UST: variants seen among roughly 807,000 people sequenced by gnomAD.
The protein encoded by UST is chondroitin sulfate 2-O-sulfotransferase.
UST carries 21 observed loss-of-function variants against 45.6 expected under a neutral mutation model. The observed-to-expected ratio is 0.46, with a 90% CI of 0.33 to 0.66. The LOEUF (loss-of-function observed/expected upper bound fraction) is 0.66. Ranked by LOEUF, UST falls within the 30% of genes least tolerant of loss-of-function variation. The pLI is 0.02. For missense variants in UST, 463 were observed against 512.4 expected, an observed-to-expected ratio of 0.90 and a Z score of 0.93; for synonymous variants, 215 against 200.6, an observed-to-expected ratio of 1.07 and a Z score of -0.61.
At chr6:148,940,058 T>C (rs1780094107) in intron 2 of UST, among the ~76,000 whole-genome samples, 1 of 152,170 alleles carries the variant, frequency 6.6e-6, no homozygotes, top group Admixed American at 6.5e-5. Flanking sequence ...TAGACATTTC[T>C]CCAAAGAAAA....
chr6:148,748,265 A>G lies in UST; in HGVS notation c.247+588A>G, dbSNP rs2114637437. 6.6e-6 allele frequency among the ~76,000 whole-genome samples: 1 copy of G among 152,062 alleles called. No individual in the cohort carries two copies. The highest frequency in any genetic ancestry group is 2.1e-4 in the South Asian group (1 of 4,812). ...GCTGCCCACCCCGCCGCCCGCAGCT[A>G]GCCTGGCGCGGGGAACGGGTTGCAT... On this transcript the variant is annotated intron_variant, in intron 1 of 7. Transcript: ENST00000367463. The surrounding 1 kb of genome is among the most constrained non-coding windows in gnomAD (Gnocchi z 5.3).
intron 5 of UST, among the ~76,000 whole-genome samples, chr6:148,965,533 G>T (rs765508488): frequency 1.3e-5 from 2 of 152,178 alleles, no homozygotes; most frequent in Non-Finnish European, 2.9e-5. Flanking sequence ...CAGCCTTGCC[G>T]CTGGAGAAAA....
intron 2 of UST, among the ~76,000 whole-genome samples, chr6:148,921,169 A>G (rs1779698197): frequency 6.6e-6 from 1 of 152,232 alleles, no homozygotes; most frequent in South Asian, 2.1e-4. Flanking sequence ...AACCAGGCAG[A>G]CAGAATCCAG....
At chr6:148,898,420 T>C (rs1779177660) in intron 2 of UST, among the ~76,000 whole-genome samples, 1 of 152,230 alleles carries the variant, frequency 6.6e-6, no homozygotes, top group Admixed American at 6.5e-5. Context: ...AATAGGGTTA[T>C]TGTTTTTTTA....
intron 1 of UST, among the ~76,000 whole-genome samples, chr6:148,865,531 A>AAGAGAG (rs141807867): frequency 6.8e-6 from 1 of 146,792 alleles, no homozygotes; most frequent in Non-Finnish European, 1.5e-5. Flanking sequence ...ATGTTTTAAA[A>AAGAGAG]AGAGAGAGAG....
At chr6:149,035,649 T>C (rs1037163652) in intron 7 of UST, among the ~76,000 whole-genome samples, 4 of 151,892 alleles carry the variant, frequency 2.6e-5, no homozygotes, top group Non-Finnish European at 2.9e-5. Context: ...TCCCAGCTAT[T>C]TGAGAGGCTG....
intron 7 of UST, among the ~76,000 whole-genome samples, chr6:149,041,245 A>C (rs1328384368): frequency 6.6e-6 from 1 of 152,160 alleles, no homozygotes; most frequent in Non-Finnish European, 1.5e-5. Context: ...CTTGCTAGCC[A>C]CTGCTGGCTG....
rs555742977 is a variant in UST at position 148,936,552 on chromosome 6, C to T, written c.292-4727C>T. 5.4e-5 allele frequency among the ~76,000 whole-genome samples: 8 copies of T among 149,262 alleles called. No individual in the cohort carries two copies. The South Asian group carries it at 1.5e-3, about 28-fold the overall frequency. On this transcript the variant is annotated intron_variant, in intron 2 of 7. Coordinates refer to ENST00000367463, the MANE Select transcript of UST (RefSeq NM_005715.3). ...ACAGAACCTAGGACAGGGTCAGTCC[C>T]TCCCTCCTTAAAAATCAGTCCTTTT...
intron 1 of UST, among the ~76,000 whole-genome samples, chr6:148,768,563 CTCA>C (rs1401464186): frequency 6.6e-6 from 1 of 152,064 alleles, no homozygotes; most frequent in African/African-American, 2.4e-5. Flanking sequence ...ATATTTTCTT[CTCA>C]TTCTATTGTT....
At chr6:148,804,427 G>A (rs915371998) in intron 1 of UST, among the ~76,000 whole-genome samples, 6 of 152,152 alleles carry the variant, frequency 3.9e-5, no homozygotes, top group Non-Finnish European at 5.9e-5. Context: ...TCCACCTGCT[G>A]TAAGGCCACC....
At position 149,053,519 on chromosome 6, in the gene UST, T is replaced by C. The variant is rs1405503487; in HGVS notation, c.938-20314T>C. On this transcript the variant is annotated intron_variant, in intron 7 of 7. Transcript: ENST00000367463. ...CCCAAACTTATGTGTTGTGTGTTTT[T>C]TCTATGACAATTATGGATATGACTT... Among the ~76,000 whole-genome samples, 4 of 152,360 alleles carry C rather than the reference T, an allele frequency of 2.6e-5. No individual in the cohort carries two copies. In the East Asian group the frequency reaches 7.7e-4, roughly 29 times the overall value.
chr6:149,044,104 A>C (rs1330273115), intron 7 of UST, among the ~76,000 whole-genome samples: 1 of 152,206 alleles, frequency 6.6e-6, no homozygotes, highest in Non-Finnish European at 1.5e-5. Context: ...ATGTTTTTCC[A>C]AAAGAAAATG....
chr6:148,978,582 A>G (rs954028008), intron 5 of UST, among the ~76,000 whole-genome samples: 1 of 152,180 alleles, frequency 6.6e-6, no homozygotes, highest in African/African-American at 2.4e-5. Context: ...ACAGAAAACC[A>G]AACACCGCAT....
chr6:149,035,740 T>G (rs1195736678), intron 7 of UST, among the ~76,000 whole-genome samples: 1 of 149,880 alleles, frequency 6.7e-6, no homozygotes, highest in East Asian at 1.9e-4. Context: ...CGCTTCAGCC[T>G]GGGTGACAGA....
intron 1 of UST, among the ~76,000 whole-genome samples, chr6:148,773,391 G>A (rs1014085990): frequency 6.6e-6 from 1 of 151,866 alleles, no homozygotes; most frequent in Non-Finnish European, 1.5e-5. Flanking sequence ...AACCCGGGAA[G>A]TAGAGGTTGC....
rs538720524 is a variant in UST at position 148,887,051 on chromosome 6, T to C, written c.291+22T>C. On this transcript the variant is annotated intron_variant, in intron 2 of 7. Transcript: ENST00000367463. ...TAAGGTAAGATCTTTGCTTGTGATA[T>C]AAGTCCCCTTTTTCTTTTATCTTAC... 13 of 1,600,218 alleles carry C rather than the reference T, an allele frequency of 8.1e-6. No homozygotes were observed. The African/African-American group carries it at 1.7e-4, about 21-fold the overall frequency.
In UST at chr6:148,788,567, T is replaced by A. The variant is rs555610744; in HGVS notation, c.247+40890T>A. Among the ~76,000 whole-genome samples the A allele has an allele frequency of 1.2e-4, 19 of 152,326 alleles. No individual in the cohort carries two copies. In the South Asian group the frequency reaches 3.9e-3, roughly 32 times the overall value. ...AACTTGAGCCGTTTGTACAGATCAC[T>A]TATTATCCTCATATAATAATTTTCT... On this transcript the variant is annotated intron_variant, in intron 1 of 7. Transcript: ENST00000367463.
intron 1 of UST, among the ~76,000 whole-genome samples, chr6:148,830,758 A>G (rs1172325044): frequency 1.3e-5 from 2 of 152,226 alleles, no homozygotes; most frequent in Non-Finnish European, 2.9e-5. Flanking sequence ...AGAGTAGTCA[A>G]ATTCATAGAA....
chr6:148,962,015 C>T (rs1259390197), intron 4 of UST, among the ~76,000 whole-genome samples: 5 of 152,126 alleles, frequency 3.3e-5, no homozygotes, highest in South Asian at 2.1e-4. Context: ...CCCAATTTGG[C>T]GGAAGCTGTG....
Sources: allele counts gnomAD v4.1 joint callset (sites outside exome capture counted in the v4.1 genomes callset), GRCh38; gene constraint gnomAD v4.1.1; non-coding constraint Gnocchi (gnomAD v3.1); transcripts MANE v1.5; gene names NCBI Gene and HGNC (gene_info 2026-07-23, HGNC 2026-07-21).